Variants in STXBP5L observed in about 807,000 individuals in gnomAD.
STXBP5L encodes the protein syntaxin binding protein 5L, also known as syntaxin-binding protein 5-like.
In STXBP5L, 65 loss-of-function variants were observed where a neutral mutation model predicts 144.5. The ratio of observed to expected loss-of-function variants is 0.45; its 90% CI spans 0.37 to 0.55. The LOEUF is 0.55. Among genes scored for constraint, STXBP5L ranks in the 20% least tolerant of loss-of-function variants. STXBP5L has a pLI of 0.00. For synonymous variants in STXBP5L, 505 were observed against 469.6 expected (o/e 1.08, Z -0.97); for missense variants, 1,298 against 1,405.5 (o/e 0.92, Z 1.22).
chr3:121,235,557 T>C (rs1249984776), intron 12 of STXBP5L, among the ~76,000 whole-genome samples: 2 of 152,092 alleles, frequency 1.3e-5, no homozygotes, highest in Non-Finnish European at 2.9e-5. Flanking sequence ...CTTGCTATTA[T>C]CAAATTCTAA....
At chr3:121,320,262 TC>T (rs1440469301) in intron 20 of STXBP5L, among the ~76,000 whole-genome samples, 2 of 152,184 alleles carry the variant, frequency 1.3e-5, no homozygotes, top group African/African-American at 2.4e-5. Context: ...TTTGTTTTTT[TC>T]CTATTATTGT....
At chr3:121,365,655 T>G (rs953994193) in intron 20 of STXBP5L, among the ~76,000 whole-genome samples, 1 of 151,742 alleles carries the variant, frequency 6.6e-6, no homozygotes, top group African/African-American at 2.4e-5. Context: ...ATTTGACTCT[T>G]CTCTCTCTGT....
intron 3 of STXBP5L, among the ~76,000 whole-genome samples, chr3:121,021,280 G>A (rs1294648357): frequency 6.6e-6 from 1 of 152,060 alleles, no homozygotes; most frequent in Non-Finnish European, 1.5e-5. Context: ...ATTACTACTA[G>A]ACCTAAGCAA....
chr3:121,255,614 T>A (rs979392908), intron 16 of STXBP5L, among the ~76,000 whole-genome samples: 3 of 152,038 alleles, frequency 2.0e-5, no homozygotes, highest in Non-Finnish European at 2.9e-5. Context: ...ATACTTTTAT[T>A]AATTTTTAAG....
At chr3:121,048,796 C>T (rs1560054274) in intron 5 of STXBP5L, among the ~76,000 whole-genome samples, 1 of 151,802 alleles carries the variant, frequency 6.6e-6, no homozygotes, top group Non-Finnish European at 1.5e-5. Context: ...AGCGATTATC[C>T]TGCCTCAGCC....
intron 10 of STXBP5L, among the ~76,000 whole-genome samples, chr3:121,214,534 A>G (rs2048703543): frequency 1.3e-5 from 2 of 152,194 alleles, no homozygotes; most frequent in South Asian, 4.1e-4. Flanking sequence ...GAGTTTCTCA[A>G]TCCTGAGTTC....
chr3:120,933,883 T>A (rs1056890670), intron 2 of STXBP5L, among the ~76,000 whole-genome samples: 6 of 152,036 alleles, frequency 3.9e-5, no homozygotes, highest in African/African-American at 1.4e-4. Context: ...ACCAAAGTTT[T>A]AAAAAAATCT....
At chr3:121,236,916 C>T (rs541281784) in intron 12 of STXBP5L, among the ~76,000 whole-genome samples, 1 of 152,310 alleles carries the variant, frequency 6.6e-6, no homozygotes, top group East Asian at 1.9e-4. Context: ...CGTAACAAGT[C>T]TCATGTAGCT....
At chr3:121,209,100 G>A (rs1303407542) in intron 10 of STXBP5L, among the ~76,000 whole-genome samples, 1 of 152,038 alleles carries the variant, frequency 6.6e-6, no homozygotes, top group East Asian at 1.9e-4. Context: ...ACATGAACTT[G>A]TCTTTTTTAA....
chr3:121,184,809 C>T (rs1418906008), intron 9 of STXBP5L, among the ~76,000 whole-genome samples: 1 of 152,126 alleles, frequency 6.6e-6, no homozygotes, highest in African/African-American at 2.4e-5. Flanking sequence ...TAAGGGCAGC[C>T]AGAGAGAAAG....
At chr3:121,012,745 T>C (rs1944874970) in intron 3 of STXBP5L, among the ~76,000 whole-genome samples, 1 of 151,884 alleles carries the variant, frequency 6.6e-6, no homozygotes, top group South Asian at 2.1e-4. Flanking sequence ...CATTGGTATG[T>C]TGTTTGATAC....
chr3:121,230,224 A>T (rs947950721), intron 11 of STXBP5L, among the ~76,000 whole-genome samples: 1 of 152,214 alleles, frequency 6.6e-6, no homozygotes, highest in African/African-American at 2.4e-5. Context: ...ATATCAGGCA[A>T]ATATTATAAA....
chr3:121,391,242 A>G, intron 22 of STXBP5L, among the ~76,000 whole-genome samples: 1 of 152,110 alleles, frequency 6.6e-6, no homozygotes, highest in East Asian at 1.9e-4. Context: ...CCATCAGGTC[A>G]TTTAAGGTCT....
intron 5 of STXBP5L, among the ~76,000 whole-genome samples, chr3:121,081,270 T>A (rs1023147485): frequency 1.3e-5 from 2 of 152,308 alleles, no homozygotes; most frequent in African/African-American, 4.8e-5. Context: ...TTTTAAAAAA[T>A]TTCTTTGTGT....
chr3:121,410,127 G>A (rs1249172476), intron 23 of STXBP5L, among the ~76,000 whole-genome samples: 10 of 151,620 alleles, frequency 6.6e-5, no homozygotes, highest in Non-Finnish European at 2.9e-5. Context: ...TTTCTGATAA[G>A]GTCATTTCAA....
chr3:121,265,836 A>G (rs935040658), intron 18 of STXBP5L, among the ~76,000 whole-genome samples: 2 of 152,222 alleles, frequency 1.3e-5, no homozygotes, highest in Non-Finnish European at 2.9e-5. Flanking sequence ...AGAGAATACT[A>G]TAAACTAGTA....
At chr3:121,062,079 G>T (rs183176857) in intron 5 of STXBP5L, among the ~76,000 whole-genome samples, 2 of 152,254 alleles carry the variant, frequency 1.3e-5, no homozygotes, top group African/African-American at 2.4e-5. Flanking sequence ...TTACAATTTG[G>T]TATGTTTTTG....
intron 3 of STXBP5L, among the ~76,000 whole-genome samples, chr3:120,964,080 C>G (rs1212084755): frequency 6.6e-6 from 1 of 151,964 alleles, no homozygotes; most frequent in Admixed American, 6.6e-5. Flanking sequence ...ACAGTATTTT[C>G]TGATGGTAGT....
chr3:121,045,869 C>T (rs1947484756), intron 5 of STXBP5L, among the ~76,000 whole-genome samples: 1 of 152,014 alleles, frequency 6.6e-6, no homozygotes, highest in African/African-American at 2.4e-5. Context: ...CTTTCTCTTG[C>T]ATGATTGCTC....
Sources: gnomAD v4.1 joint callset for allele counts (sites outside exome capture counted in the v4.1 genomes callset) on GRCh38, gnomAD v4.1.1 for gene constraint, MANE v1.5 for transcripts, NCBI Gene and HGNC (gene_info 2026-07-23, HGNC 2026-07-21) for gene names.